The following CCNY variants were observed in gnomAD, a reference collection of about 807,000 sequenced individuals.
CCNY encodes the protein cyclin-Y.
Under a neutral mutation model 42.8 loss-of-function variants are expected in CCNY, and 19 were observed. That is an observed-to-expected ratio of 0.44 (90% CI 0.31 to 0.65). CCNY has a LOEUF of 0.65. CCNY is among the 30% of genes least tolerant of loss of function. The pLI, the probability that CCNY is intolerant of heterozygous loss-of-function variation, is 0.07. For synonymous variants in CCNY, 165 were observed against 162.7 expected (o/e 1.01, Z -0.11); for missense variants, 370 against 437.3 (o/e 0.85, Z 1.37).
At chr10:35,408,269 G>A (rs909691627) in intron 1 of CCNY, among the ~76,000 whole-genome samples, 8 of 152,314 alleles carry the variant, frequency 5.3e-5, no homozygotes, top group African/African-American at 1.2e-4. Context: ...AAGGAGTCCC[G>A]CTGACCTGGG....
At chr10:35,437,889 T>G (rs906633841) in intron 1 of CCNY, among the ~76,000 whole-genome samples, 4 of 152,158 alleles carry the variant, frequency 2.6e-5, no homozygotes, top group African/African-American at 9.7e-5. Context: ...TTTAAAAGTT[T>G]TTAAAATTAA....
chr10:35,456,707 C>A (rs1338445452), intron 1 of CCNY, among the ~76,000 whole-genome samples: 1 of 152,152 alleles, frequency 6.6e-6, no homozygotes, highest in Non-Finnish European at 1.5e-5. Context: ...TCTCAAGAAC[C>A]AGAATGTTTG....
intron 4 of CCNY, among the ~76,000 whole-genome samples, chr10:35,521,954 A>AGG (rs1166710992): frequency 6.6e-6 from 1 of 152,210 alleles, no homozygotes; most frequent in Non-Finnish European, 1.5e-5. Flanking sequence ...CCAGAAAAAA[A>AGG]GGGAGATCCA....
At chr10:35,394,914 T>C in intron 1 of CCNY, 2 of 885,646 alleles carry the variant, frequency 2.3e-6, no homozygotes, top group Non-Finnish European at 2.7e-6. Flanking sequence ...ATGGGAGTAT[T>C]GTAAAACTCA....
At chr10:35,464,932 T>A (rs951311789) in intron 1 of CCNY, among the ~76,000 whole-genome samples, 2 of 152,234 alleles carry the variant, frequency 1.3e-5, no homozygotes, top group African/African-American at 4.8e-5. Context: ...TGCCCCATAG[T>A]TAAAAGACCT....
intron 8 of CCNY, among the ~76,000 whole-genome samples, chr10:35,564,967 G>A (rs1206883191): frequency 2.0e-5 from 3 of 152,212 alleles, no homozygotes; most frequent in African/African-American, 7.2e-5. Flanking sequence ...GTTTCCTGGA[G>A]GGTGTGCAGT....
intron 4 of CCNY, among the ~76,000 whole-genome samples, chr10:35,521,005 C>T (rs1244314093): frequency 2.0e-5 from 3 of 152,228 alleles, no homozygotes; most frequent in African/African-American, 7.2e-5. Flanking sequence ...ACAGCCCTGT[C>T]TATGGCTCAG....
chr10:35,428,110 A>G (rs1433889730), intron 1 of CCNY, among the ~76,000 whole-genome samples: 1 of 152,212 alleles, frequency 6.6e-6, no homozygotes, highest in East Asian at 1.9e-4. Flanking sequence ...TTCATTATGT[A>G]TTTACTGCAT....
At chr10:35,502,166 A>G (rs941039526) in intron 3 of CCNY, among the ~76,000 whole-genome samples, 13 of 152,332 alleles carry the variant, frequency 8.5e-5, no homozygotes, top group Middle Eastern at 3.4e-3. Context: ...GCAGAGATGT[A>G]GCTGGCTGGC....
chr10:35,307,811 TATATATA>T (rs1384657553), intron 3 of CCNY, among the ~76,000 whole-genome samples: 15 of 74,282 alleles, frequency 2.0e-4, no homozygotes, highest in Non-Finnish European at 3.3e-4. Flanking sequence ...TATATATATA[TATATATA>T]TTTTTTTTTT....
chr10:35,433,524 T>G (rs756756219), intron 1 of CCNY, among the ~76,000 whole-genome samples: 3 of 152,196 alleles, frequency 2.0e-5, no homozygotes, highest in Non-Finnish European at 2.9e-5. Flanking sequence ...GTAGAAAAAT[T>G]AGATATGTTA....
chr10:35,363,941 G>A (rs779023464), intron 1 of CCNY, among the ~76,000 whole-genome samples: 4 of 152,176 alleles, frequency 2.6e-5, no homozygotes, highest in Non-Finnish European at 5.9e-5. Flanking sequence ...TCTGAGGAGG[G>A]ACAGGGTAAT....
intron 3 of CCNY, among the ~76,000 whole-genome samples, chr10:35,291,197 G>A (rs1835409579): frequency 6.6e-6 from 1 of 151,904 alleles, no homozygotes; most frequent in South Asian, 2.1e-4. Context: ...AGTAGAGATG[G>A]GGTTTCACCA....
At chr10:35,465,235 G>A (rs976886273) in intron 1 of CCNY, among the ~76,000 whole-genome samples, 55 of 152,090 alleles carry the variant, frequency 3.6e-4, no homozygotes, top group Middle Eastern at 3.4e-3. Flanking sequence ...AGTACTGTTC[G>A]TGTCCTAATG....
intron 1 of CCNY, among the ~76,000 whole-genome samples, chr10:35,460,285 T>C (rs1297466435): frequency 6.6e-6 from 1 of 152,246 alleles, no homozygotes; most frequent in Admixed American, 6.5e-5. Flanking sequence ...ACTGTAGGCA[T>C]TGCATAAGAG....
At chr10:35,525,174 A>G (rs1269720767) in intron 4 of CCNY, among the ~76,000 whole-genome samples, 1 of 152,246 alleles carries the variant, frequency 6.6e-6, no homozygotes, top group East Asian at 1.9e-4. Context: ...ATGATAAAAA[A>G]AAGTTAACAT....
intron 1 of CCNY, among the ~76,000 whole-genome samples, chr10:35,353,126 C>T (rs562824209): frequency 1.3e-5 from 2 of 152,202 alleles, no homozygotes; most frequent in African/African-American, 4.8e-5. Context: ...AGGGTCTTGG[C>T]ATGTTGCTTA....
chr10:35,300,329 A>G (rs1835519470), intron 3 of CCNY, among the ~76,000 whole-genome samples: 1 of 151,822 alleles, frequency 6.6e-6, no homozygotes, highest in Non-Finnish European at 1.5e-5. Context: ...GCCCTGCCTG[A>G]GTTCCCCTCC....
At position 35,304,405 on chromosome 10, in the gene CCNY, G is replaced by A. The variant is rs1213231767; in HGVS notation, c.-9+53779G>A. On this transcript the variant is annotated intron_variant, in intron 3 of 11. Transcript: ENST00000374706. ...GCTCACTGCAAGCTCCGCCTCCCGG[G>A]TTCACGCCATTCTCCTGCCTCAGCC... is the stretch of plus-strand genomic sequence containing the variant. Among the ~76,000 whole-genome samples the A allele has an allele frequency of 2.5e-5, 2 of 78,542 alleles. 1 individual carries two copies. The highest frequency in any genetic ancestry group is 1.4e-4 in the African/African-American group (2 of 14,340). The allele number at this position is 78,542 out of a possible 152,430, so 51.5% of individuals were successfully genotyped here. A position where few individuals can be genotyped will look rare whatever the true frequency, so the allele number is the denominator to read the frequency against.
Sources: gnomAD v4.1 joint callset for allele counts (sites outside exome capture counted in the v4.1 genomes callset) on GRCh38, gnomAD v4.1.1 for gene constraint, MANE v1.5 for transcripts, NCBI Gene and HGNC (gene_info 2026-07-23, HGNC 2026-07-21) for gene names.